Variants in ARHGAP24 observed in about 807,000 individuals in gnomAD.
ARHGAP24 encodes rho GTPase-activating protein 24.
Under a neutral mutation model 76.4 loss-of-function variants are expected in ARHGAP24, and 50 were observed. The observed-to-expected ratio is 0.65, with a 90% CI of 0.52 to 0.83. The LOEUF is 0.83. ARHGAP24 is among the 40% of genes least tolerant of loss of function. The pLI, the probability that ARHGAP24 is intolerant of heterozygous loss-of-function variation, is 0.00. For synonymous variants in ARHGAP24, 345 were observed against 323.3 expected (o/e 1.07, Z -0.72); for missense variants, 930 against 914.2 (o/e 1.02, Z -0.22).
At chr4:85,963,504 T>C (rs2082466640) in intron 5 of ARHGAP24, among the ~76,000 whole-genome samples, 1 of 152,118 alleles carries the variant, frequency 6.6e-6, no homozygotes. Flanking sequence ...AGTTTTATTC[T>C]GATGTAATTA....
chr4:85,817,024 T>C (rs1421007329), intron 3 of ARHGAP24, among the ~76,000 whole-genome samples: 1 of 152,192 alleles, frequency 6.6e-6, no homozygotes, highest in African/African-American at 2.4e-5. Context: ...ATTAGTGATG[T>C]TGAATATCTT....
At chr4:85,826,805 T>C (rs1729733344) in intron 3 of ARHGAP24, among the ~76,000 whole-genome samples, 1 of 152,186 alleles carries the variant, frequency 6.6e-6, no homozygotes, top group Non-Finnish European at 1.5e-5. Context: ...TAATGAACAG[T>C]GGTGGTTGGA....
chr4:85,520,741 C>T (rs1388052276), intron 1 of ARHGAP24, among the ~76,000 whole-genome samples: 2 of 152,136 alleles, frequency 1.3e-5, no homozygotes, highest in African/African-American at 4.8e-5. Flanking sequence ...GTGCATGATG[C>T]AGAGAATCTT....
At chr4:85,672,367 T>C (rs893978880) in intron 2 of ARHGAP24, among the ~76,000 whole-genome samples, 1 of 152,212 alleles carries the variant, frequency 6.6e-6, no homozygotes, top group Non-Finnish European at 1.5e-5. Context: ...AGTGAGCAAG[T>C]GGTTTCTCAA....
chr4:85,909,686 G>C (rs1734960331), intron 3 of ARHGAP24, among the ~76,000 whole-genome samples: 1 of 152,126 alleles, frequency 6.6e-6, no homozygotes, highest in African/African-American at 2.4e-5. Context: ...GTGGATTCTG[G>C]CTGATTACTC....
At chr4:85,897,249 C>A (rs908481203) in intron 3 of ARHGAP24, among the ~76,000 whole-genome samples, 1 of 152,100 alleles carries the variant, frequency 6.6e-6, no homozygotes, top group Admixed American at 6.6e-5. Flanking sequence ...CAAGCAGAAG[C>A]ACCAACCACC....
chr4:85,561,889 C>T (rs922043569), intron 1 of ARHGAP24, among the ~76,000 whole-genome samples: 2 of 152,124 alleles, frequency 1.3e-5, no homozygotes, highest in Middle Eastern at 6.8e-3. Context: ...TTCTCGTGTG[C>T]TGTGGAAAAA....
At chr4:85,632,991 G>A (rs1335054644) in intron 2 of ARHGAP24, among the ~76,000 whole-genome samples, 2 of 150,602 alleles carry the variant, frequency 1.3e-5, no homozygotes, top group African/African-American at 2.4e-5. Context: ...TCTTTTATAT[G>A]TATGCTTGGC....
At chr4:85,902,490 G>A (rs1323187515) in intron 3 of ARHGAP24, among the ~76,000 whole-genome samples, 1 of 152,162 alleles carries the variant, frequency 6.6e-6, no homozygotes, top group Non-Finnish European at 1.5e-5. Context: ...CAGCTTTTAA[G>A]TGACCACTCA....
At chr4:85,640,504 A>C (rs564752776) in intron 2 of ARHGAP24, among the ~76,000 whole-genome samples, 32 of 152,180 alleles carry the variant, frequency 2.1e-4, no homozygotes, top group Non-Finnish European at 4.3e-4. Context: ...TAATACCTAC[A>C]TTTTAAAACA....
At chr4:85,577,767 G>A (rs4693709) in intron 2 of ARHGAP24, among the ~76,000 whole-genome samples, 57,090 of 152,024 alleles carry the variant, frequency 0.38, 12,360 homozygotes, top group East Asian at 0.85. Context: ...CAAGGTTCAG[G>A]GAGAGCTTCT....
intron 3 of ARHGAP24, among the ~76,000 whole-genome samples, chr4:85,805,075 T>C (rs1728732889): frequency 6.6e-6 from 1 of 152,144 alleles, no homozygotes; most frequent in African/African-American, 2.4e-5. Context: ...GCTACAAGTT[T>C]ATAGCAAATA....
intron 1 of ARHGAP24, among the ~76,000 whole-genome samples, chr4:85,508,891 C>T (rs1724164611): frequency 6.6e-6 from 1 of 152,000 alleles, no homozygotes; most frequent in Non-Finnish European, 1.5e-5. Context: ...ATCTCTAGGC[C>T]TTTCCCCCTG....
At chr4:85,911,328 C>G (rs1326306952) in intron 3 of ARHGAP24, among the ~76,000 whole-genome samples, 4 of 152,106 alleles carry the variant, frequency 2.6e-5, no homozygotes, top group Admixed American at 1.3e-4. Context: ...CTGCTACAAC[C>G]TGCATGATGG....
chr4:85,838,509 G>A (rs1730416011), intron 3 of ARHGAP24, among the ~76,000 whole-genome samples: 1 of 152,204 alleles, frequency 6.6e-6, no homozygotes, highest in Non-Finnish European at 1.5e-5. Flanking sequence ...TGAGGCAGGA[G>A]AATGGTGTGA....
chr4:85,545,273 T>C (rs1725875432), intron 1 of ARHGAP24, among the ~76,000 whole-genome samples: 1 of 152,062 alleles, frequency 6.6e-6, no homozygotes, highest in Non-Finnish European at 1.5e-5. Context: ...CTAATTTTTG[T>C]ATTTTTAGTA....
chr4:85,728,473 A>G, intron 3 of ARHGAP24, among the ~76,000 whole-genome samples: 1 of 152,038 alleles, frequency 6.6e-6, no homozygotes, highest in Non-Finnish European at 1.5e-5. Flanking sequence ...GTGTGCATAA[A>G]CTGTTATTTG....
At chr4:85,555,887 GCTT>G (rs1726339978) in intron 1 of ARHGAP24, among the ~76,000 whole-genome samples, 1 of 152,120 alleles carries the variant, frequency 6.6e-6, no homozygotes, top group South Asian at 2.1e-4. Context: ...AAACTGACTG[GCTT>G]CTTCTTTTTA....
intron 3 of ARHGAP24, among the ~76,000 whole-genome samples, chr4:85,912,014 C>G (rs1190124382): frequency 2.0e-5 from 3 of 152,154 alleles, no homozygotes; most frequent in Non-Finnish European, 4.4e-5. Context: ...AGTCCCATTA[C>G]AATTAGGTGA....
Sources: allele counts gnomAD v4.1 joint callset (sites outside exome capture counted in the v4.1 genomes callset), GRCh38; gene constraint gnomAD v4.1.1; transcripts MANE v1.5; gene names NCBI Gene and HGNC (gene_info 2026-07-23, HGNC 2026-07-21).